The following CDKL5 variants were observed in gnomAD, a reference collection of about 807,000 sequenced individuals.
The protein encoded by CDKL5 is cyclin dependent kinase like 5.
In CDKL5, 8 loss-of-function variants were observed where a neutral mutation model predicts 61.7. That is an observed-to-expected ratio of 0.13 (90% CI 0.08 to 0.23). The LOEUF (loss-of-function observed/expected upper bound fraction) is 0.23, where lower values mean the gene tolerates loss of function less well. Ranked by LOEUF, CDKL5 falls within the 10% of genes least tolerant of loss-of-function variation. CDKL5 has a pLI of 1.00. For synonymous variants in CDKL5, 275 were observed against 272.3 expected, an observed-to-expected ratio of 1.01 and a Z score of -0.10; for missense variants, 440 against 734.5, an observed-to-expected ratio of 0.60 and a Z score of 4.63.
chrX:18,598,207 CTG>C (rs1048191595), intron 10 of CDKL5, among the ~76,000 whole-genome samples: 17 of 110,639 alleles, frequency 1.5e-4, no homozygotes, highest in South Asian at 3.8e-4. Flanking sequence ...GGATACAAAA[CTG>C]TGTATATTTT....
At chrX:18,500,659 T>G (rs1332506845) in intron 1 of CDKL5, among the ~76,000 whole-genome samples, 3 of 111,487 alleles carry the variant, frequency 2.7e-5, no homozygotes, top group Admixed American at 1.9e-4. Context: ...ATATGTAGTT[T>G]GCCATCACCA....
At chrX:18,595,559 A>T in intron 10 of CDKL5, 131 bp downstream of exon 10, 1 of 489,919 alleles carries the variant, frequency 2.0e-6, no homozygotes. Flanking sequence ...ATGGGGAACT[A>T]TGTCATATTA....
rs370108892 is a variant in CDKL5, at chrX:18,460,734, C to G, written c.-163+35039C>G. Among the ~76,000 whole-genome samples, 34 of 111,486 alleles carry G rather than the reference C, an allele frequency of 3.0e-4. No individual in the cohort carries two copies. The East Asian group carries it at 4.5e-3, about 15-fold the overall frequency. Reference sequence around the variant, plus strand: ...CAGGCTAGCCTTGAACTCCTGGGCTCAAGTGATCCTCTCACCTTGGCCTTC... The same window carrying G: ...CAGGCTAGCCTTGAACTCCTGGGCTGAAGTGATCCTCTCACCTTGGCCTTC... On this transcript the variant is annotated intron_variant, in intron 1 of 17. Coordinates refer to ENST00000623535, the MANE Select transcript of CDKL5 (RefSeq NM_001323289.2).
rs1372844290 is a variant in CDKL5, at chrX:18,636,368, T to G, written c.*7611T>G. 1 of 102,035 alleles carries G rather than the reference T, an allele frequency of 9.8e-6. No homozygotes were observed. The highest frequency in any genetic ancestry group is 3.9e-5 in the African/African-American group (1 of 25,771). The allele number at this position is 102,035 out of a possible 1,213,427, so 8.4% of individuals were successfully genotyped here. A position where few individuals can be genotyped will look rare whatever the true frequency, so the allele number is the denominator to read the frequency against. On this transcript the variant is annotated 3_prime_UTR_variant, in exon 18 of 18. Transcript: ENST00000623535. ...TTATTATTATTATTATTATTATTAT[T>G]ATTATTATTATTATTTTCACAACAA...
In CDKL5 at chrX:18,632,781, T is replaced by C. The variant is rs1459290299; in HGVS notation, c.*4024T>C. On this transcript the variant is annotated 3_prime_UTR_variant, in exon 18 of 18. Coordinates refer to ENST00000623535, the MANE Select transcript of CDKL5 (RefSeq NM_001323289.2). The stretch of plus-strand genomic sequence containing the variant: ...GTTCCTAATCTGAGAATTAGTGGAC[T>C]ATACTAGGAAATGCTATCCCATTTT... The C allele has an allele frequency of 5.3e-6, 4 of 752,018 alleles. No individual in the cohort carries two copies. The African/African-American group carries it at 6.9e-5, about 13-fold the overall frequency. 62.0% of individuals were successfully genotyped at this position (752,018 alleles called of 1,213,427 possible).
At chrX:18,458,215 A>G (rs1013562808) in intron 1 of CDKL5, among the ~76,000 whole-genome samples, 1 of 110,157 alleles carries the variant, frequency 9.1e-6, no homozygotes, top group Non-Finnish European at 1.9e-5. Flanking sequence ...GAGCCACCGC[A>G]CCCAGCCTGC....
At chrX:18,528,237 ATTTTTTTTT>A (rs749197887) in intron 3 of CDKL5, among the ~76,000 whole-genome samples, 2 of 68,440 alleles carry the variant, frequency 2.9e-5, no homozygotes, top group Non-Finnish European at 5.6e-5. Flanking sequence ...ACCCATACTC[ATTTTTTTTT>A]TTTTTTTTTT....
intron 1 of CDKL5, among the ~76,000 whole-genome samples, chrX:18,486,533 G>T (rs1226553334): frequency 1.8e-5 from 2 of 112,108 alleles, no homozygotes; most frequent in East Asian, 2.8e-4. Context: ...AAGCACAATG[G>T]CATATAGCCT....
intron 15 of CDKL5, among the ~76,000 whole-genome samples, chrX:18,616,613 G>A (rs1220613518): frequency 1.9e-5 from 2 of 106,009 alleles, no homozygotes; most frequent in Non-Finnish European, 3.9e-5. Context: ...CAACAAGAGC[G>A]AAACTCCGTC....
chrX:18,470,241 C>A (rs751768147), intron 1 of CDKL5, among the ~76,000 whole-genome samples: 6 of 106,703 alleles, frequency 5.6e-5, no homozygotes, highest in Admixed American at 1.0e-4. Context: ...GAGGCTGAGA[C>A]GGGAGAAGCG....
At chrX:18,438,158 C>T (rs1407096803) in intron 1 of CDKL5, among the ~76,000 whole-genome samples, 1 of 111,034 alleles carries the variant, frequency 9.0e-6, no homozygotes, top group Non-Finnish European at 1.9e-5. Context: ...CTCCGCCTCC[C>T]GAGTTCAAGC....
chrX:18,437,130 A>G (rs752177117), intron 1 of CDKL5, among the ~76,000 whole-genome samples: 4 of 111,051 alleles, frequency 3.6e-5, no homozygotes, highest in Admixed American at 9.7e-5. Flanking sequence ...TTTTAGTTCA[A>G]TGGAACCTTG....
intron 9 of CDKL5, among the ~76,000 whole-genome samples, chrX:18,591,723 A>G (rs1925837166): frequency 9.0e-6 from 1 of 111,336 alleles, no homozygotes; most frequent in African/African-American, 3.3e-5. Context: ...TTGCTTTTAT[A>G]GTCTGCATTT....
intron 9 of CDKL5, among the ~76,000 whole-genome samples, chrX:18,591,409 A>C (rs1196500549): frequency 1.8e-5 from 2 of 110,902 alleles, no homozygotes; most frequent in Non-Finnish European, 3.8e-5. Flanking sequence ...ATTGAAACTC[A>C]ACTGTATTTC....
chrX:18,619,338 A>T (rs753524637), intron 15 of CDKL5, among the ~76,000 whole-genome samples: 1 of 110,928 alleles, frequency 9.0e-6, no homozygotes, highest in Non-Finnish European at 1.9e-5. Context: ...ATAAATACAT[A>T]AAAGGTTTAA....
chrX:18,651,836 C>G (rs1479723746), intron 21 of CDKL5, among the ~76,000 whole-genome samples: 1 of 111,364 alleles, frequency 9.0e-6, no homozygotes, highest in Non-Finnish European at 1.9e-5. Flanking sequence ...TGTGATTTTT[C>G]CTGACTTCTT....
chrX:18,491,782 TTAA>T (rs1476633417), intron 1 of CDKL5, among the ~76,000 whole-genome samples: 1 of 111,912 alleles, frequency 8.9e-6, no homozygotes. Context: ...GGATAATAAA[TTAA>T]TGATGACATA....
chrX:18,588,384 CTTT>C, intron 9 of CDKL5: 1 of 326,241 alleles, frequency 3.1e-6, no homozygotes. Flanking sequence ...TTTTCAAAAT[CTTT>C]TTTAGTGTAT....
intron 21 of CDKL5, among the ~76,000 whole-genome samples, chrX:18,652,443 A>T (rs1337458289): frequency 2.7e-5 from 3 of 111,944 alleles, no homozygotes; most frequent in Non-Finnish European, 5.6e-5. Context: ...CCGAGGCGGG[A>T]GGATCACTTG....
Sources: allele counts gnomAD v4.1 joint callset (sites outside exome capture counted in the v4.1 genomes callset), GRCh38; gene constraint gnomAD v4.1.1; transcripts MANE v1.5; gene names NCBI Gene and HGNC (gene_info 2026-07-23, HGNC 2026-07-21).